The following TMEM255B variants were observed in gnomAD, a reference collection of about 807,000 sequenced individuals.
The protein encoded by TMEM255B is family with sequence similarity 70, member B.
TMEM255B carries 35 observed loss-of-function variants against 34.5 expected under a neutral mutation model. The ratio of observed to expected loss-of-function variants is 1.01; its 90% CI spans 0.77 to 1.34. The LOEUF is 1.34. TMEM255B is among the 40% of genes most tolerant of loss of function. TMEM255B has a pLI of 0.00. For synonymous variants in TMEM255B, 206 were observed against 201.2 expected, an observed-to-expected ratio of 1.02 and a Z score of -0.20; for missense variants, 432 against 433.2, an observed-to-expected ratio of 1.00 and a Z score of 0.02.
chr13:113,797,578 C>T (rs978239258), intron 4 of TMEM255B, among the ~76,000 whole-genome samples: 1 of 152,200 alleles, frequency 6.6e-6, no homozygotes, highest in Non-Finnish European at 1.5e-5. Context: ...CATGTCTGTC[C>T]CCTCAGGGGA....
At chr13:113,766,443 T>C in intron 2 of TMEM255B, 186 bp downstream of exon 2, 1 of 856,250 alleles carries the variant, frequency 1.2e-6, no homozygotes, top group Non-Finnish European at 1.9e-6. Context: ...CCTGGGACAG[T>C]GGCAGGTCCA....
intron 1 of TMEM255B, among the ~76,000 whole-genome samples, chr13:113,765,743 G>T (rs550648328): frequency 4.6e-5 from 7 of 152,186 alleles, no homozygotes; most frequent in African/African-American, 1.7e-4. Context: ...GTCTGTGAGC[G>T]AATGGTAATG....
intron 3 of TMEM255B, among the ~76,000 whole-genome samples, chr13:113,793,134 C>T (rs974405169): frequency 6.6e-6 from 1 of 152,146 alleles, no homozygotes; most frequent in African/African-American, 2.4e-5. Flanking sequence ...AGGGGGGATG[C>T]GAGGGTAAGG....
rs1023059516 is a variant in TMEM255B, at chr13:113,787,341, G to T, written c.253-7807G>T. 2.0e-5 allele frequency among the ~76,000 whole-genome samples: 3 copies of T among 152,212 alleles called. No homozygotes were observed. The East Asian group carries it at 5.8e-4, about 29-fold the overall frequency. On this transcript the variant is annotated intron_variant, in intron 3 of 8. Transcript: ENST00000375353. ...AAATAATGCCTGATTGGTTTAAGTT[G>T]GAAAACAGTTTTTAAACGTTCTAAG...
chr13:113,807,252 G>A (rs959650082), intron 8 of TMEM255B, among the ~76,000 whole-genome samples: 1 of 150,950 alleles, frequency 6.6e-6, no homozygotes, highest in Non-Finnish European at 1.5e-5. Flanking sequence ...GGAGGTGTAA[G>A]ATGTGGGGGT....
At position 113,770,463 on chromosome 13, in the gene TMEM255B, C is replaced by A. The variant is rs2050459660; in HGVS notation, c.252+1303C>A. On this transcript the variant is annotated intron_variant, in intron 3 of 8. Transcript: ENST00000375353. This position sits in a 1 kb window ranked among gnomAD's most constrained non-coding sequence, Gnocchi z 4.6. Reference sequence around the variant, plus strand: ...TCCCACTGCTGCCCAGGAGACTGACCCTTGGGCAGATGGAGCCTGACCGTG... The same window carrying A: ...TCCCACTGCTGCCCAGGAGACTGACACTTGGGCAGATGGAGCCTGACCGTG... Among the ~76,000 whole-genome samples, 1 of 152,138 alleles carries A rather than the reference C, an allele frequency of 6.6e-6. No homozygotes were observed. The highest frequency in any genetic ancestry group is 1.5e-5 in the Non-Finnish European group (1 of 68,018).
At chr13:113,759,629 C>T (rs1469330382) in intron 1 of TMEM255B, among the ~76,000 whole-genome samples, 4 of 152,206 alleles carry the variant, frequency 2.6e-5, no homozygotes, top group Non-Finnish European at 5.9e-5. Flanking sequence ...GTCCGTTCCT[C>T]TTGGCCTCTC....
At chr13:113,774,484 A>G (rs1239394826) in intron 3 of TMEM255B, among the ~76,000 whole-genome samples, 1 of 152,062 alleles carries the variant, frequency 6.6e-6, no homozygotes, top group African/African-American at 2.4e-5. Flanking sequence ...CCTGTGCCCC[A>G]CGTATGTGCA....
intron 8 of TMEM255B, among the ~76,000 whole-genome samples, chr13:113,810,050 G>C (rs972306838): frequency 6.6e-6 from 1 of 152,160 alleles, no homozygotes. Flanking sequence ...ACCTACACCT[G>C]TGCAGAAATT....
intron 3 of TMEM255B, among the ~76,000 whole-genome samples, chr13:113,793,131 A>G (rs1312957897): frequency 1.3e-5 from 2 of 151,934 alleles, no homozygotes; most frequent in Admixed American, 1.3e-4. Context: ...TGGAGGGGGG[A>G]TGCGAGGGTA....
At chr13:113,779,462 A>G (rs1405366314) in intron 3 of TMEM255B, among the ~76,000 whole-genome samples, 5 of 148,882 alleles carry the variant, frequency 3.4e-5, no homozygotes, top group African/African-American at 1.2e-4. Context: ...TCCCGGAAGC[A>G]CTCTCTGTTT....
intron 7 of TMEM255B, among the ~76,000 whole-genome samples, chr13:113,804,116 C>T (rs1403781457): frequency 3.9e-5 from 6 of 152,232 alleles, no homozygotes; most frequent in Non-Finnish European, 8.8e-5. Context: ...TCGGCCCAGT[C>T]CCCGCGTTTC....
At chr13:113,762,462 TA>T (rs2050324164) in intron 1 of TMEM255B, among the ~76,000 whole-genome samples, 1 of 152,202 alleles carries the variant, frequency 6.6e-6, no homozygotes, top group Admixed American at 6.5e-5. Context: ...GGAATGCTGA[TA>T]AAAGGGTGGC....
intron 3 of TMEM255B, among the ~76,000 whole-genome samples, chr13:113,789,600 A>G (rs1487636251): frequency 6.6e-6 from 1 of 152,138 alleles, no homozygotes; most frequent in Non-Finnish European, 1.5e-5. Flanking sequence ...GCCATTCCCA[A>G]TGTCTTTCCC....
chr13:113,810,009 C>A (rs1011090399), intron 8 of TMEM255B, among the ~76,000 whole-genome samples: 5 of 152,164 alleles, frequency 3.3e-5, no homozygotes, highest in African/African-American at 7.2e-5. Flanking sequence ...ACATTGCAGT[C>A]CCTCTGAGGA....
At chr13:113,768,940 A>T in intron 2 of TMEM255B, 158 bp from the exon 3 acceptor site, 1 of 755,694 alleles carries the variant, frequency 1.3e-6, no homozygotes, top group Non-Finnish European at 2.4e-6. Flanking sequence ...CAGCAGACGC[A>T]CCTGCTGCTC....
intron 8 of TMEM255B, among the ~76,000 whole-genome samples, chr13:113,808,791 C>CTGG (rs1555302312): frequency 1.1e-4 from 2 of 18,728 alleles, no homozygotes; most frequent in Non-Finnish European, 1.8e-4. Context: ...TCTGTGGTTC[C>CTGG]TGGGGGGGGG....
rs749462418 is a variant in TMEM255B, at chr13:113,800,932, C to T, written c.509+20C>T. On this transcript the variant is annotated intron_variant, in intron 6 of 8. Coordinates refer to ENST00000375353, the MANE Select transcript of TMEM255B (RefSeq NM_182614.4). ...CGGGAGGTGAGGGGCACCGGGGACC[C>T]CCATATCTACACCTGCGGGAGGTGA... is the stretch of plus-strand genomic sequence containing the variant. 1 of 1,191,470 alleles carries T rather than the reference C, an allele frequency of 8.4e-7. No individual in the cohort carries two copies. The highest frequency in any genetic ancestry group is 1.1e-6 in the Non-Finnish European group (1 of 878,632). The allele number at this position is 1,191,470 out of a possible 1,614,324, so 73.8% of individuals were successfully genotyped here.
At chr13:113,775,449 C>G (rs1010291248) in intron 3 of TMEM255B, among the ~76,000 whole-genome samples, 1 of 152,244 alleles carries the variant, frequency 6.6e-6, no homozygotes, top group African/African-American at 2.4e-5. Flanking sequence ...TTGGGTGGGG[C>G]TGGTGGAGAG....
Sources: gnomAD v4.1 joint callset for allele counts (sites outside exome capture counted in the v4.1 genomes callset) on GRCh38, gnomAD v4.1.1 for gene constraint, Gnocchi (gnomAD v3.1) non-coding constraint, MANE v1.5 for transcripts, NCBI Gene and HGNC (gene_info 2026-07-23, HGNC 2026-07-21) for gene names.